Variants in HMGA2 observed in about 807,000 individuals in gnomAD.
The protein encoded by HMGA2 is high mobility group AT-hook 2.
Under a neutral mutation model 19.1 loss-of-function variants are expected in HMGA2, and 8 were observed. The observed-to-expected ratio is 0.42, with a 90% CI of 0.25 to 0.76. HMGA2 has a LOEUF of 0.76. Among genes scored for constraint, HMGA2 ranks in the 30% least tolerant of loss-of-function variants. The pLI is 0.28. For synonymous variants in HMGA2, 60 were observed against 48.8 expected (o/e 1.23, Z -0.96); for missense variants, 109 against 136.3 (o/e 0.80, Z 1.00).
chr12:65,840,941 C>A (rs764424173), intron 3 of HMGA2, among the ~76,000 whole-genome samples: 7 of 152,152 alleles, frequency 4.6e-5, no homozygotes, highest in Admixed American at 1.3e-4. Context: ...ATAATGGTCA[C>A]CAATTCACCT....
intron 3 of HMGA2, among the ~76,000 whole-genome samples, chr12:65,924,407 G>C (rs1168881741): frequency 6.6e-6 from 1 of 151,944 alleles, no homozygotes; most frequent in Admixed American, 6.6e-5. Context: ...ATCACCAATT[G>C]TCCTCTGCCT....
chr12:65,932,541 G>A (rs191831648), intron 3 of HMGA2, among the ~76,000 whole-genome samples: 14 of 152,304 alleles, frequency 9.2e-5, no homozygotes, highest in Non-Finnish European at 1.6e-4. Context: ...AAAAATAAAT[G>A]AATAAACAAG....
chr12:65,963,317 C>G lies in HMGA2; in HGVS notation c.*25C>G. ...GGGGGCGCCAACGTTCGATTTCTAC[C>G]TCAGCAGCAGTTGGATCTTTTGAAG... On this transcript the variant is annotated 3_prime_UTR_variant, in exon 5 of 5. Coordinates refer to ENST00000403681, the MANE Select transcript of HMGA2 (RefSeq NM_003483.6). The G allele has an allele frequency of 1.2e-6, 2 of 1,608,782 alleles. No individual in the cohort carries two copies. Among genetic ancestry groups the G allele is most frequent in the Non-Finnish European group, 1.7e-6 (2 of 1,176,496 alleles).
intron 3 of HMGA2, among the ~76,000 whole-genome samples, chr12:65,865,238 C>T (rs556667198): frequency 6.6e-6 from 1 of 152,230 alleles, no homozygotes; most frequent in South Asian, 2.1e-4. Flanking sequence ...CAACAGTAGG[C>T]TATTAGCAGT....
intron 3 of HMGA2, among the ~76,000 whole-genome samples, chr12:65,920,943 A>C (rs1875284812): frequency 6.6e-6 from 1 of 152,228 alleles, no homozygotes; most frequent in African/African-American, 2.4e-5. Flanking sequence ...TCACAAGAAG[A>C]CAGGAAAATG....
At chr12:65,884,423 C>T (rs1031172776) in intron 3 of HMGA2, among the ~76,000 whole-genome samples, 2 of 152,202 alleles carry the variant, frequency 1.3e-5, no homozygotes, top group African/African-American at 4.8e-5. Context: ...TATTTGCATG[C>T]TCATGGCTGT....
chr12:65,865,888 C>T (rs978443783), intron 3 of HMGA2, among the ~76,000 whole-genome samples: 1 of 151,364 alleles, frequency 6.6e-6, no homozygotes, highest in African/African-American at 2.4e-5. Flanking sequence ...GTGATCTGCC[C>T]ATCTTGGCCT....
At chr12:65,907,376 C>T (rs1419347147) in intron 3 of HMGA2, among the ~76,000 whole-genome samples, 2 of 148,112 alleles carry the variant, frequency 1.4e-5, no homozygotes, top group South Asian at 4.3e-4. Context: ...TGCCACTACA[C>T]TCCAGCCTGG....
chr12:65,863,517 A>C (rs1408870707), intron 3 of HMGA2, among the ~76,000 whole-genome samples: 2 of 152,248 alleles, frequency 1.3e-5, no homozygotes, highest in East Asian at 3.8e-4. Context: ...AGAGGAGTAC[A>C]GTGTCCCTGG....
chr12:65,885,332 G>T (rs1432484891), intron 3 of HMGA2, among the ~76,000 whole-genome samples: 1 of 151,984 alleles, frequency 6.6e-6, no homozygotes, highest in Non-Finnish European at 1.5e-5. Flanking sequence ...ATGACATCAC[G>T]AGATACATAT....
intron 3 of HMGA2, among the ~76,000 whole-genome samples, chr12:65,845,470 T>C (rs1372305977): frequency 6.6e-6 from 1 of 152,130 alleles, no homozygotes; most frequent in Non-Finnish European, 1.5e-5. Flanking sequence ...AGTTTCGCCA[T>C]GTTGGCCAGG....
intron 3 of HMGA2, among the ~76,000 whole-genome samples, chr12:65,895,126 G>T (rs959776122): frequency 6.6e-6 from 1 of 152,124 alleles, no homozygotes; most frequent in Non-Finnish European, 1.5e-5. Context: ...CTCCAAAGAT[G>T]CAAGTAAATA....
At chr12:65,851,558 C>T (rs191640980) in intron 3 of HMGA2, 195 of 358,874 alleles carry the variant, frequency 5.4e-4, no homozygotes, top group African/African-American at 3.5e-3. Flanking sequence ...GCTGTGGTGG[C>T]GGGCACCTGT....
At chr12:65,929,974 C>T (rs1195336808) in intron 3 of HMGA2, among the ~76,000 whole-genome samples, 1 of 151,764 alleles carries the variant, frequency 6.6e-6, no homozygotes, top group African/African-American at 2.4e-5. Context: ...GAAGTAAGAA[C>T]TGTAGAGGGG....
At chr12:65,939,079 T>G (rs976577895) in intron 3 of HMGA2, among the ~76,000 whole-genome samples, 1 of 152,182 alleles carries the variant, frequency 6.6e-6, no homozygotes, top group Admixed American at 6.5e-5. Flanking sequence ...ATGAGAGGCT[T>G]AGAAATTAGT....
At chr12:65,837,748 G>A (rs1870795838) in intron 2 of HMGA2, among the ~76,000 whole-genome samples, 1 of 152,166 alleles carries the variant, frequency 6.6e-6, no homozygotes, top group Non-Finnish European at 1.5e-5. Context: ...GTGAAGTAAA[G>A]CAATGAAATA....
In HMGA2 at chr12:65,825,762, C is replaced by T. The variant is rs908144158; in HGVS notation, c.111+381C>T. 6.6e-6 allele frequency among the ~76,000 whole-genome samples: 1 copy of T among 152,140 alleles called. No individual in the cohort carries two copies. Among genetic ancestry groups the T allele is most frequent in the East Asian group, 1.9e-4 (1 of 5,150 alleles). On this transcript the variant is annotated intron_variant, in intron 1 of 4. Coordinates refer to ENST00000403681, the MANE Select transcript of HMGA2 (RefSeq NM_003483.6). This position sits in a 1 kb window ranked among gnomAD's most constrained non-coding sequence, Gnocchi z 4.4. ...TTTCCGAGTTGCTTTTGCAACTGCC[C>T]GGGAGGAAGGAGGTGCCGGGGACCC... is the stretch of plus-strand genomic sequence containing the variant.
intron 3 of HMGA2, among the ~76,000 whole-genome samples, chr12:65,932,776 CTG>C (rs371746121): frequency 2.2e-3 from 329 of 152,322 alleles, no homozygotes; most frequent in African/African-American, 7.2e-3. Flanking sequence ...TGGAGGGAAA[CTG>C]TGCAGCAACA....
At chr12:65,856,251 A>G (rs1441589015) in intron 3 of HMGA2, 1 of 152,212 alleles carries the variant, frequency 6.6e-6, no homozygotes, top group East Asian at 1.9e-4. Context: ...CAATGCCAGA[A>G]CAGTGAATTT....
Sources: allele counts gnomAD v4.1 joint callset (sites outside exome capture counted in the v4.1 genomes callset), GRCh38; gene constraint gnomAD v4.1.1; non-coding constraint Gnocchi (gnomAD v3.1); transcripts MANE v1.5; gene names NCBI Gene and HGNC (gene_info 2026-07-23, HGNC 2026-07-21).